The following GPR160 variants were observed in gnomAD, a reference collection of about 807,000 sequenced individuals.
The protein encoded by GPR160 is probable G protein-coupled receptor 160.
GPR160 carries 2 observed loss-of-function variants against 2.6 expected under a neutral mutation model. The ratio of observed to expected loss-of-function variants is 0.77; its 90% CI spans 0.32 to 2.44. The LOEUF (loss-of-function observed/expected upper bound fraction) is 2.44, where lower values mean the gene tolerates loss of function less well. GPR160 is among the 30% of genes most tolerant of loss of function. The pLI is 0.11. For missense variants in GPR160, 351 were observed against 383.6 expected, an observed-to-expected ratio of 0.91 and a Z score of 0.71; for synonymous variants, 130 against 132.2, an observed-to-expected ratio of 0.98 and a Z score of 0.12.
At chr3:170,044,215 T>C (rs1473131841) in intron 2 of GPR160, among the ~76,000 whole-genome samples, 3 of 149,750 alleles carry the variant, frequency 2.0e-5, no homozygotes, top group African/African-American at 7.4e-5. Context: ...TCCCAGCTAC[T>C]TGGGAGACTG....
chr3:170,043,650 A>C (rs1255165180), intron 2 of GPR160, among the ~76,000 whole-genome samples: 1 of 152,302 alleles, frequency 6.6e-6, no homozygotes, highest in African/African-American at 2.4e-5. Context: ...GCAGTTTCAC[A>C]CTACCTTTAG....
At chr3:170,042,828 T>A (rs1317596972) in intron 2 of GPR160, among the ~76,000 whole-genome samples, 12 of 107,996 alleles carry the variant, frequency 1.1e-4, no homozygotes, top group Non-Finnish European at 2.0e-4. Context: ...CTCTCTCTCT[T>A]AAAAAAAAAA....
At chr3:170,056,910 C>G (rs1711670398) in intron 2 of GPR160, among the ~76,000 whole-genome samples, 1 of 152,142 alleles carries the variant, frequency 6.6e-6, no homozygotes. Flanking sequence ...TACATCAGTG[C>G]TCTAGTTAAT....
In GPR160 at chr3:170,084,162, T is replaced by C; in HGVS notation, c.190T>C (p.Phe64Leu). ...GGAATATTTTTGCATTTCACTAGCA[T>C]TCGTTGATCTTTTACTTTTGGTAAA... ...FMEYFCISLA[F>L]VDLLLLVNIS... is the part of the protein sequence containing the mutation. The change falls in exon 4 of 4, where the codon TTC becomes CTC. Residue 64 changes from phenylalanine (F) to leucine (L), a missense_variant. Phe to Leu is a conservative substitution (Grantham distance 22, BLOSUM62 0). Transcript: ENST00000355897. The C allele has an allele frequency of 6.3e-7, 1 of 1,591,462 alleles. No individual in the cohort carries two copies. The highest frequency in any genetic ancestry group is 8.5e-7 in the Non-Finnish European group (1 of 1,169,670).
At chr3:170,066,646 G>A (rs1205519305) in intron 2 of GPR160, among the ~76,000 whole-genome samples, 2 of 152,122 alleles carry the variant, frequency 1.3e-5, no homozygotes, top group Non-Finnish European at 2.9e-5. Flanking sequence ...TAAGTTTAAA[G>A]TAAGTTGTTT....
At chr3:170,061,797 T>C (rs971425398) in intron 2 of GPR160, among the ~76,000 whole-genome samples, 1 of 152,118 alleles carries the variant, frequency 6.6e-6, no homozygotes, top group African/African-American at 2.4e-5. Flanking sequence ...CTCCATTAAA[T>C]AGTCCTCAAA....
At chr3:170,047,487 T>A (rs2108311797) in intron 2 of GPR160, among the ~76,000 whole-genome samples, 1 of 152,350 alleles carries the variant, frequency 6.6e-6, no homozygotes, top group Admixed American at 6.5e-5. Flanking sequence ...TTTATAAATT[T>A]AAAAAATTTT....
chr3:170,052,311 T>C (rs1215855202), intron 2 of GPR160, among the ~76,000 whole-genome samples: 1 of 152,238 alleles, frequency 6.6e-6, no homozygotes, highest in Non-Finnish European at 1.5e-5. Flanking sequence ...GCCACACTAT[T>C]TTCCAAGGGG....
At chr3:170,053,425 A>G (rs1717044056) in intron 2 of GPR160, among the ~76,000 whole-genome samples, 1 of 152,122 alleles carries the variant, frequency 6.6e-6, no homozygotes, top group African/African-American at 2.4e-5. Context: ...TTTTGTTGCT[A>G]TATATAGCAA....
At chr3:170,069,009 C>T (rs1712468695) in intron 2 of GPR160, among the ~76,000 whole-genome samples, 1 of 152,110 alleles carries the variant, frequency 6.6e-6, no homozygotes, top group African/African-American at 2.4e-5. Flanking sequence ...TAATAGTATT[C>T]CTGAAATCCA....
chr3:170,051,818 A>C (rs531887671), intron 2 of GPR160, among the ~76,000 whole-genome samples: 1 of 152,348 alleles, frequency 6.6e-6, no homozygotes, highest in South Asian at 2.1e-4. Flanking sequence ...AAAGAAAAAA[A>C]AAGTTTTAAA....
chr3:170,060,203 A>G (rs1468623667), intron 2 of GPR160, among the ~76,000 whole-genome samples: 1 of 152,250 alleles, frequency 6.6e-6, no homozygotes. Flanking sequence ...TTAAGCATTC[A>G]AAAGAAGAAT....
intron 3 of GPR160, among the ~76,000 whole-genome samples, chr3:170,082,153 G>A (rs1713166924): frequency 6.6e-6 from 1 of 152,064 alleles, no homozygotes; most frequent in African/African-American, 2.4e-5. Flanking sequence ...TACTGTATTG[G>A]TAACTTGATA....
intron 2 of GPR160, among the ~76,000 whole-genome samples, chr3:170,056,439 G>A (rs1711646360): frequency 6.6e-6 from 1 of 152,144 alleles, no homozygotes; most frequent in African/African-American, 2.4e-5. Context: ...TCATGCTATT[G>A]ATTTCATTAT....
intron 2 of GPR160, among the ~76,000 whole-genome samples, chr3:170,073,200 G>GA (rs1712685941): frequency 1.3e-5 from 2 of 150,262 alleles, no homozygotes. Context: ...AAAAAAAAAA[G>GA]AAAAAATTAT....
At chr3:170,054,609 A>C (rs1711538899) in intron 2 of GPR160, among the ~76,000 whole-genome samples, 1 of 152,094 alleles carries the variant, frequency 6.6e-6, no homozygotes. Context: ...CACCCATTAA[A>C]CAGTAACTCC....
At chr3:170,079,286 C>T (rs1453940148) in intron 2 of GPR160, among the ~76,000 whole-genome samples, 2 of 152,140 alleles carry the variant, frequency 1.3e-5, no homozygotes, top group African/African-American at 4.8e-5. Flanking sequence ...GGGACAGACC[C>T]GGCATAGATG....
At chr3:170,060,517 C>T (rs1209625818) in intron 2 of GPR160, among the ~76,000 whole-genome samples, 2 of 152,170 alleles carry the variant, frequency 1.3e-5, no homozygotes, top group Non-Finnish European at 2.9e-5. Context: ...AATCCCACCA[C>T]TTTGGGAGGC....
At chr3:170,062,420 G>T (rs1712010465) in intron 2 of GPR160, 2 of 451,232 alleles carry the variant, frequency 4.4e-6, no homozygotes, top group East Asian at 9.9e-5. Context: ...AAATGCTCTG[G>T]AATGTGTTCC....
Sources: gnomAD v4.1 joint callset for allele counts (sites outside exome capture counted in the v4.1 genomes callset) on GRCh38, gnomAD v4.1.1 for gene constraint, MANE v1.5 for transcripts, NCBI Gene and HGNC (gene_info 2026-07-23, HGNC 2026-07-21) for gene names.